Variants in NFS1 observed in about 807,000 individuals in gnomAD.
NFS1 encodes NFS1 cysteine desulfurase.
In NFS1, 26 loss-of-function variants were observed where a neutral mutation model predicts 57.3. The observed-to-expected ratio is 0.45, with a 90% confidence interval of 0.33 to 0.63. The LOEUF (loss-of-function observed/expected upper bound fraction) is 0.63. NFS1 is among the 20% of genes least tolerant of loss of function. NFS1 has a pLI of 0.02. For missense variants in NFS1, 505 were observed against 605.8 expected, an observed-to-expected ratio of 0.83 and a Z score of 1.75; for synonymous variants, 209 against 216.3, an observed-to-expected ratio of 0.97 and a Z score of 0.30.
chr20:35,677,619 G>A lies in NFS1; in HGVS notation c.791-2417C>T, dbSNP rs1055473828. On this transcript the variant is annotated intron_variant, in intron 7 of 12. Coordinates refer to ENST00000374092, the MANE Select transcript of NFS1 (RefSeq NM_021100.5). Reference sequence around the variant, plus strand: ...ACAGAAATTTTGTGCCAAAATATGAGCATGAGCATGCAAAGTTATTCACCA... The same window carrying A: ...ACAGAAATTTTGTGCCAAAATATGAACATGAGCATGCAAAGTTATTCACCA... Among the ~76,000 whole-genome samples, 4 of 152,304 alleles carry A rather than the reference G, an allele frequency of 2.6e-5. No homozygotes were observed. The East Asian group carries it at 7.7e-4, about 29-fold the overall frequency.
chr20:35,674,928 G>T (rs1056612547), intron 8 of NFS1, 117 bp downstream of exon 8: 12 of 1,394,192 alleles, frequency 8.6e-6, no homozygotes, highest in East Asian at 2.3e-5. Flanking sequence ...GGACAAGGAA[G>T]AGTTTTCTTA....
chr20:35,668,497 G>C lies in NFS1; in HGVS notation c.*1125C>G, dbSNP rs1601513097. 6.6e-6 allele frequency: 1 copy of C among 152,142 alleles called. No individual in the cohort carries two copies. The highest frequency in any genetic ancestry group is 1.5e-5 in the Non-Finnish European group (1 of 68,028). 9.4% of individuals were successfully genotyped at this position (152,142 alleles called of 1,614,324 possible). On this transcript the variant is annotated 3_prime_UTR_variant, in exon 13 of 13. Transcript: ENST00000374092. ...CAATGGCCTTCTCTTGGTTTCTAAA[G>C]TATAATACTTTGTGCTTTATCACAC...
chr20:35,683,909 T>G (rs909541091), intron 5 of NFS1, among the ~76,000 whole-genome samples: 1 of 143,372 alleles, frequency 7.0e-6, no homozygotes, highest in Non-Finnish European at 1.5e-5. Flanking sequence ...AGGTCAGGAG[T>G]TCGAGACCAG....
chr20:35,683,911 C>T (rs941050296), intron 5 of NFS1, among the ~76,000 whole-genome samples: 4 of 149,550 alleles, frequency 2.7e-5, no homozygotes, highest in Admixed American at 1.3e-4. Context: ...GTCAGGAGTT[C>T]GAGACCAGCC....
At chr20:35,674,892 C>A in intron 8 of NFS1, 153 bp downstream of exon 8, 1 of 1,030,972 alleles carries the variant, frequency 9.7e-7, no homozygotes. Context: ...TAATGTCTCC[C>A]TCAGAACAAG....
intron 4 of NFS1, among the ~76,000 whole-genome samples, chr20:35,691,508 A>G (rs1432111321): frequency 6.6e-6 from 1 of 151,688 alleles, no homozygotes; most frequent in Admixed American, 6.6e-5. Context: ...TGGGAGGCCG[A>G]GGCAGGTGGA....
chr20:35,675,414 A>T (rs1161844216), intron 7 of NFS1: 1 of 612,882 alleles, frequency 1.6e-6, no homozygotes, highest in East Asian at 2.8e-5. Flanking sequence ...CAGAAGGAGT[A>T]ATGATCAAAA....
At position 35,674,522 on chromosome 20, in the gene NFS1, G is replaced by T. The variant is rs761481451; in HGVS notation, c.1044C>A (p.His348Gln). 2.1e-5 allele frequency: 34 copies of T among 1,613,834 alleles called. No individual in the cohort carries two copies. The highest frequency in any genetic ancestry group is 2.6e-5 in the Non-Finnish European group (31 of 1,179,814). ...AGAGCAAGTCCATACCGGGATAATG[G>T]TGCTTAGGGTCCCCATTCATCACCA... Reference protein sequence around the residue: ...PDVVMNGDPKHHYPGCINLSF... With the variant: ...PDVVMNGDPKQHYPGCINLSF... The change falls in exon 9 of 13, where the codon CAC (histidine) becomes CAA (glutamine). Residue 348 changes from histidine to glutamine, a missense_variant. His to Gln is a conservative substitution (Grantham distance 24, BLOSUM62 0). Transcript: ENST00000374092.
chr20:35,671,197 G>A (rs938033126), intron 12 of NFS1, among the ~76,000 whole-genome samples: 1 of 152,174 alleles, frequency 6.6e-6, no homozygotes, highest in East Asian at 1.9e-4. Context: ...TCTGCCTCCT[G>A]GGTTCACGCC....
At chr20:35,694,137 C>T (rs899216781) in intron 4 of NFS1, among the ~76,000 whole-genome samples, 3 of 150,434 alleles carry the variant, frequency 2.0e-5, no homozygotes, top group East Asian at 3.9e-4. Context: ...CAGAATGAGA[C>T]CATGTCTTTT....
chr20:35,697,181 C>G (rs2035149675), intron 3 of NFS1, among the ~76,000 whole-genome samples: 1 of 151,742 alleles, frequency 6.6e-6, no homozygotes, highest in Admixed American at 6.6e-5. Flanking sequence ...CCTGTAATCC[C>G]AATTACTTGG....
chr20:35,681,755 T>C (rs945678592), intron 6 of NFS1, 133 bp downstream of exon 6: 11 of 530,432 alleles, frequency 2.1e-5, no homozygotes, highest in Admixed American at 5.5e-5. Context: ...ACACTTCCAA[T>C]GTCCTTGAAC....
chr20:35,681,868 G>A lies in NFS1; in HGVS notation c.655+20C>T. The A allele has an allele frequency of 6.8e-7, 1 of 1,462,110 alleles. No individual in the cohort carries two copies. Among genetic ancestry groups the A allele is most frequent in the Non-Finnish European group, 9.6e-7 (1 of 1,041,784 alleles). 90.6% of individuals were successfully genotyped at this position (1,462,110 alleles called of 1,614,324 possible). A position where few individuals can be genotyped will look rare whatever the true frequency, so the allele number is the denominator to read the frequency against. ...GAGCCCCATGGTGGGCAGGGATCAG[G>A]GATAAGCCATGATACTCACCTATTT... On this transcript the variant is annotated intron_variant, in intron 6 of 12. Coordinates refer to ENST00000374092, the MANE Select transcript of NFS1 (RefSeq NM_021100.5).
chr20:35,680,843 A>G lies in NFS1; in HGVS notation c.684T>C (p.Tyr228=), dbSNP rs767897316. 2 of 1,555,642 alleles carry G rather than the reference A, an allele frequency of 1.3e-6. No individual in the cohort carries two copies. The highest frequency in any genetic ancestry group is 1.2e-5 in the South Asian group (1 of 80,082). ...IGRICSSRKV[Y]FHTDAAQAVG... ...CAGCCTGGGCTGCATCAGTATGGAA[A>G]TATACCTTTCTGGAACTGCAAATCC... is the stretch of plus-strand genomic sequence containing the variant. The change falls in exon 7 of 13, where the codon TAT becomes TAC. Residue 228 remains tyrosine (Y), a synonymous_variant. Transcript: ENST00000374092.
chr20:35,681,500 C>G (rs1355674731), intron 6 of NFS1, among the ~76,000 whole-genome samples: 1 of 152,224 alleles, frequency 6.6e-6, no homozygotes, highest in Admixed American at 6.5e-5. Context: ...GAGTTCAAGA[C>G]CAGCCTGGCC....
chr20:35,690,629 TC>T, intron 4 of NFS1, 64 bp from the exon 5 acceptor site: 1 of 1,559,002 alleles, frequency 6.4e-7, no homozygotes, highest in Middle Eastern at 1.7e-4. Context: ...GACTTCAATC[TC>T]ATTTGTAAAG....
In NFS1 at chr20:35,699,075, G is replaced by A. The variant is rs1568968541; in HGVS notation, c.97+117C>T. On this transcript the variant is annotated intron_variant, in intron 1 of 12. Transcript: ENST00000374092. This position sits in a 1 kb window ranked among gnomAD's most constrained non-coding sequence, Gnocchi z 4.4. ...AAAGTTTGAGGGATGTGTCATTTGA[G>A]AGAAGGGTCAGAGGGTCTGGGCAGC... The A allele has an allele frequency of 7.5e-7, 1 of 1,326,178 alleles. No individual in the cohort carries two copies. The highest frequency in any genetic ancestry group is 9.6e-7 in the Non-Finnish European group (1 of 1,040,844). 82.2% of individuals were successfully genotyped at this position (1,326,178 alleles called of 1,614,324 possible).
Position 35,674,463 on chromosome 20 carries a change from C to G in NFS1, c.1055-32G>C. 8 of 1,611,750 alleles carry G rather than the reference C, an allele frequency of 5.0e-6. No homozygotes were observed. The South Asian group carries it at 8.8e-5, about 18-fold the overall frequency. On this transcript the variant is annotated intron_variant, in intron 9 of 12. Coordinates refer to ENST00000374092, the MANE Select transcript of NFS1 (RefSeq NM_021100.5). ...GAAAGAAATACTGTGAGAGAGGTCTCAGAGTCTCAGCCTCTACCAGAATGA... is the reference window on the plus strand; with the variant it reads ...GAAAGAAATACTGTGAGAGAGGTCTGAGAGTCTCAGCCTCTACCAGAATGA...
At chr20:35,672,700 G>T in intron 12 of NFS1, 55 bp downstream of exon 12, 1 of 1,225,732 alleles carries the variant, frequency 8.2e-7, no homozygotes. Context: ...CTAAGGACAA[G>T]AGGGGAGACA....
Sources: gnomAD v4.1 joint callset for allele counts (sites outside exome capture counted in the v4.1 genomes callset) on GRCh38, gnomAD v4.1.1 for gene constraint, Gnocchi (gnomAD v3.1) non-coding constraint, MANE v1.5 for transcripts, NCBI Gene and HGNC (gene_info 2026-07-23, HGNC 2026-07-21) for gene names.